The following MGST1 variants were observed in gnomAD, a reference collection of about 807,000 sequenced individuals.
MGST1 encodes the protein microsomal glutathione S-transferase 1, also known as glutathione S-transferase 12.
MGST1 carries 5 observed loss-of-function variants against 8.9 expected under a neutral mutation model. That is an observed-to-expected ratio of 0.56 (90% CI 0.29 to 1.19). The LOEUF (loss-of-function observed/expected upper bound fraction) is 1.19, where lower values mean the gene tolerates loss of function less well. Among genes scored for constraint, MGST1 ranks in the 50% most tolerant of loss-of-function variants. MGST1 has a pLI of 0.08. For missense variants in MGST1, 182 were observed against 187.4 expected (o/e 0.97, Z 0.17); for synonymous variants, 54 against 67.8 (o/e 0.80, Z 1.00).
chr12:16,437,275 A>G lies in MGST1; in HGVS notation n.779-113A>G, dbSNP rs999097784. On this transcript the variant is annotated intron_variant and non_coding_transcript_variant, in intron 1 of 1. Coordinates refer to the MGST1 transcript ENST00000359720. ...AAATTTATAGACCAGATTGTCGGGA[A>G]TGATGCTTCTGTATTTGAGAATATT... 3 of 152,130 alleles carry G rather than the reference A, an allele frequency of 2.0e-5. No homozygotes were observed. The East Asian group carries it at 5.8e-4, about 30-fold the overall frequency. 9.4% of individuals were successfully genotyped at this position (152,130 alleles called of 1,614,324 possible). A position where few individuals can be genotyped will look rare whatever the true frequency, so the allele number is the denominator to read the frequency against.
chr12:16,402,896 C>G (rs1351507514), intron 1 of MGST1, among the ~76,000 whole-genome samples: 1 of 149,814 alleles, frequency 6.7e-6, no homozygotes, highest in Non-Finnish European at 1.5e-5. Flanking sequence ...GATTTATTTT[C>G]TACTTTTTAA....
chr12:16,583,189 A>T (rs529341695), intron 4 of MGST1, among the ~76,000 whole-genome samples: 1 of 152,330 alleles, frequency 6.6e-6, no homozygotes, highest in Non-Finnish European at 1.5e-5. Flanking sequence ...CATTGGCTTT[A>T]GCAATTGGAT....
intron 1 of MGST1, chr12:16,399,850 G>A: frequency 8.2e-7 from 1 of 1,226,834 alleles, no homozygotes; most frequent in Non-Finnish European, 1.2e-6. Flanking sequence ...AGTCCTTGTA[G>A]ACAATTACCA....
At chr12:16,391,258 G>C (rs1028791380) in intron 1 of MGST1, among the ~76,000 whole-genome samples, 7 of 151,470 alleles carry the variant, frequency 4.6e-5, no homozygotes, top group Admixed American at 6.6e-5. Context: ...CCATCATCTA[G>C]GTTTTAAGCC....
chr12:16,529,554 C>A (rs1941709827), intron 4 of MGST1, among the ~76,000 whole-genome samples: 1 of 152,058 alleles, frequency 6.6e-6, no homozygotes, highest in Admixed American at 6.6e-5. Flanking sequence ...GAAATGGGAA[C>A]TTCTTCAGGC....
At chr12:16,554,977 G>A (rs966293510) in intron 4 of MGST1, among the ~76,000 whole-genome samples, 4 of 152,134 alleles carry the variant, frequency 2.6e-5, no homozygotes, top group Non-Finnish European at 1.5e-5. Context: ...TAAATCTTGA[G>A]TCTACCACTT....
intron 4 of MGST1, among the ~76,000 whole-genome samples, chr12:16,499,107 A>C (rs528183553): frequency 7.2e-5 from 11 of 152,210 alleles, no homozygotes; most frequent in Admixed American, 6.5e-4. Context: ...ATTTTATGGG[A>C]CCCTCCAGTT....
chr12:16,563,097 T>C (rs1330432237), intron 4 of MGST1, among the ~76,000 whole-genome samples: 1 of 152,216 alleles, frequency 6.6e-6, no homozygotes, highest in East Asian at 1.9e-4. Flanking sequence ...CATCTACACC[T>C]GGACTCTGAT....
At chr12:16,444,543 A>G (rs996765028) in intron 4 of MGST1, among the ~76,000 whole-genome samples, 3 of 151,942 alleles carry the variant, frequency 2.0e-5, no homozygotes, top group Non-Finnish European at 4.4e-5. Flanking sequence ...TGTGACTTCA[A>G]TACAGACACC....
chr12:16,357,705 C>T lies in MGST1; in HGVS notation c.221+6C>T, dbSNP rs780804937. ...AGAGTAGAACGTGTACGCAGGTAAA[C>T]CAGTGTCTCTTGAAATTACTTACTT... On this transcript the variant is annotated splice_donor_region_variant and intron_variant, in intron 3 of 3. Transcript: ENST00000396210. 6 of 1,605,596 alleles carry T rather than the reference C, an allele frequency of 3.7e-6. No individual in the cohort carries two copies. Among genetic ancestry groups the T allele is most frequent in the Admixed American group, 1.7e-5 (1 of 58,732 alleles).
At chr12:16,434,395 T>C (rs961168667) in intron 1 of MGST1, among the ~76,000 whole-genome samples, 1 of 151,952 alleles carries the variant, frequency 6.6e-6, no homozygotes, top group Non-Finnish European at 1.5e-5. Context: ...CGATCACTTA[T>C]TATGTCTCAT....
intron 4 of MGST1, among the ~76,000 whole-genome samples, chr12:16,525,117 C>T (rs1200062026): frequency 6.6e-6 from 1 of 151,828 alleles, no homozygotes; most frequent in Non-Finnish European, 1.5e-5. Flanking sequence ...TTCCTTTTCA[C>T]CTGATATAAT....
chr12:16,542,235 T>C (rs902448731), intron 4 of MGST1, among the ~76,000 whole-genome samples: 1 of 152,220 alleles, frequency 6.6e-6, no homozygotes, highest in Non-Finnish European at 1.5e-5. Flanking sequence ...AAAAAAGCTA[T>C]GAAATAGAAA....
In MGST1 at chr12:16,385,700, T is replaced by G. The variant is rs1393060001; in HGVS notation, n.778+2096T>G. On this transcript the variant is annotated intron_variant and non_coding_transcript_variant, in intron 1 of 1. Coordinates refer to the MGST1 transcript ENST00000359720. The stretch of plus-strand genomic sequence containing the variant: ...TCTTTTCAAAGGGCTTTCTTTTTTT[T>G]TTTTTTTTCCTCAATCTGGGTGGCT... Among the ~76,000 whole-genome samples, 5 of 152,114 alleles carry G rather than the reference T, an allele frequency of 3.3e-5. No individual in the cohort carries two copies. The East Asian group carries it at 9.7e-4, about 29-fold the overall frequency.
At chr12:16,405,806 A>G (rs1940694201) in intron 1 of MGST1, among the ~76,000 whole-genome samples, 2 of 152,220 alleles carry the variant, frequency 1.3e-5, no homozygotes, top group Non-Finnish European at 2.9e-5. Context: ...AACTAAAGAC[A>G]AAAACAGTAA....
At chr12:16,418,466 T>A (rs1940804706) in intron 1 of MGST1, among the ~76,000 whole-genome samples, 1 of 152,184 alleles carries the variant, frequency 6.6e-6, no homozygotes, top group Admixed American at 6.5e-5. Flanking sequence ...GCAGAAGATT[T>A]GGGTTTATAA....
chr12:16,442,492 A>C (rs1941046875), downstream of MGST1, among the ~76,000 whole-genome samples: 1 of 151,708 alleles, frequency 6.6e-6, no homozygotes, highest in Admixed American at 6.6e-5. The surrounding 1 kb of genome is among the most constrained non-coding windows in gnomAD (Gnocchi z 4.5). Context: ...CTTTTTTGTG[A>C]AGGATTTAAG....
At chr12:16,353,917 G>A (rs963166284) in intron 1 of MGST1, among the ~76,000 whole-genome samples, 7 of 151,826 alleles carry the variant, frequency 4.6e-5, no homozygotes, top group South Asian at 2.1e-4. Flanking sequence ...ACGCCACTGC[G>A]TCTGGCTAAT....
chr12:16,411,813 C>T (rs1242892963), intron 1 of MGST1, among the ~76,000 whole-genome samples: 1 of 152,072 alleles, frequency 6.6e-6, no homozygotes, highest in East Asian at 1.9e-4. Context: ...AGAACAATCA[C>T]TAAGAACATA....
Sources: allele counts gnomAD v4.1 joint callset (sites outside exome capture counted in the v4.1 genomes callset), GRCh38; gene constraint gnomAD v4.1.1; non-coding constraint Gnocchi (gnomAD v3.1); transcripts MANE v1.5; gene names NCBI Gene and HGNC (gene_info 2026-07-23, HGNC 2026-07-21).